The following TYW1B variants were observed in gnomAD, a reference collection of about 807,000 sequenced individuals.
The protein encoded by TYW1B is tRNA-yW synthesizing protein 1 homolog B.
Under a neutral mutation model 86.9 loss-of-function variants are expected in TYW1B, and 73 were observed. The ratio of observed to expected loss-of-function variants is 0.84; its 90% CI spans 0.70 to 1.02. The LOEUF (loss-of-function observed/expected upper bound fraction) is 1.02. Among genes scored for constraint, TYW1B ranks in the 50% least tolerant of loss-of-function variants. TYW1B has a pLI of 0.00. For missense variants in TYW1B, 637 were observed against 827.4 expected, an observed-to-expected ratio of 0.77 and a Z score of 2.82; for synonymous variants, 248 against 292.8, an observed-to-expected ratio of 0.85 and a Z score of 1.56.
intron 6 of TYW1B, among the ~76,000 whole-genome samples, chr7:72,793,091 C>A (rs1460295078): frequency 2.6e-5 from 4 of 152,156 alleles, no homozygotes; most frequent in Admixed American, 2.6e-4. Flanking sequence ...GTAATCCCAG[C>A]ACTTTGGGAG....
At chr7:72,816,511 T>C (rs1788726051) in intron 2 of TYW1B, among the ~76,000 whole-genome samples, 2 of 151,822 alleles carry the variant, frequency 1.3e-5, no homozygotes, top group African/African-American at 4.8e-5. Context: ...AAGCTCTGGG[T>C]TGGGAGCAGC....
intron 11 of TYW1B, among the ~76,000 whole-genome samples, chr7:72,687,916 G>A (rs1389674870): frequency 3.3e-5 from 5 of 152,048 alleles, no homozygotes; most frequent in Non-Finnish European, 5.9e-5. Context: ...AGCCAGGTGT[G>A]GTGGAGCACA....
intron 7 of TYW1B, among the ~76,000 whole-genome samples, chr7:72,761,102 A>G (rs1290281702): frequency 6.6e-6 from 1 of 152,218 alleles, no homozygotes; most frequent in Non-Finnish European, 1.5e-5. Flanking sequence ...AAATGCTTAT[A>G]AATGAATTTT....
chr7:72,806,170 T>C (rs1788490360), intron 5 of TYW1B, among the ~76,000 whole-genome samples: 1 of 151,682 alleles, frequency 6.6e-6, no homozygotes. Context: ...TTGCAAAATG[T>C]GGTAAAAATC....
chr7:72,754,347 T>C (rs1032882291), intron 7 of TYW1B, among the ~76,000 whole-genome samples: 1 of 152,134 alleles, frequency 6.6e-6, no homozygotes, highest in Admixed American at 6.6e-5. Context: ...TTTACCATAT[T>C]GGCCAGGCTG....
chr7:72,824,586 C>A (rs1163276307), intron 2 of TYW1B, among the ~76,000 whole-genome samples: 1 of 151,902 alleles, frequency 6.6e-6, no homozygotes, highest in Non-Finnish European at 1.5e-5. Flanking sequence ...ACTAAAAATA[C>A]AAAAATTAAC....
chr7:72,757,283 G>A (rs1464447096), intron 7 of TYW1B, among the ~76,000 whole-genome samples: 7 of 151,060 alleles, frequency 4.6e-5, no homozygotes, highest in African/African-American at 1.2e-4. Flanking sequence ...CAGGAGAATC[G>A]CTTGAACCTG....
intron 2 of TYW1B, among the ~76,000 whole-genome samples, chr7:72,816,448 C>T (rs1445555154): frequency 1.3e-5 from 2 of 152,140 alleles, no homozygotes; most frequent in Non-Finnish European, 2.9e-5. Context: ...AGACGGTTGA[C>T]AGACAGGAAA....
intron 7 of TYW1B, among the ~76,000 whole-genome samples, chr7:72,765,237 T>A (rs1165748631): frequency 6.6e-6 from 1 of 152,172 alleles, no homozygotes; most frequent in Non-Finnish European, 1.5e-5. Flanking sequence ...GCTTCCTAGC[T>A]CAGGAGGTTT....
intron 11 of TYW1B, among the ~76,000 whole-genome samples, chr7:72,635,757 T>C (rs1414737554): frequency 6.6e-6 from 1 of 152,236 alleles, no homozygotes; most frequent in East Asian, 1.9e-4. Flanking sequence ...TCAATAGAAA[T>C]ATAAGTTCAC....
intron 3 of TYW1B, among the ~76,000 whole-genome samples, chr7:72,811,496 T>A (rs1464765518): frequency 1.3e-5 from 2 of 151,820 alleles, no homozygotes; most frequent in Non-Finnish European, 2.9e-5. Context: ...GCTTATCCAA[T>A]AAGAGTTGTA....
intron 7 of TYW1B, among the ~76,000 whole-genome samples, chr7:72,757,309 A>G (rs1787608508): frequency 6.7e-6 from 1 of 149,960 alleles, no homozygotes; most frequent in Non-Finnish European, 1.5e-5. Context: ...CGGAGGTTGC[A>G]GTGAGCCAAG....
At chr7:72,577,831 C>T (rs1811060430) in intron 13 of TYW1B, among the ~76,000 whole-genome samples, 1 of 152,204 alleles carries the variant, frequency 6.6e-6, no homozygotes, top group Non-Finnish European at 1.5e-5. Flanking sequence ...GACGCCCAAG[C>T]TGTTCCCTCT....
chr7:72,771,912 T>C (rs1229537910), intron 7 of TYW1B, among the ~76,000 whole-genome samples: 5 of 151,994 alleles, frequency 3.3e-5, no homozygotes, highest in Admixed American at 1.3e-4. Context: ...AGTGTCTTGA[T>C]CTCAGCTCAC....
chr7:72,635,504 A>G (rs1213948746), intron 11 of TYW1B, among the ~76,000 whole-genome samples: 1 of 152,150 alleles, frequency 6.6e-6, no homozygotes, highest in Non-Finnish European at 1.5e-5. Flanking sequence ...AATGCACGGG[A>G]CAGTCTCCCC....
intron 6 of TYW1B, among the ~76,000 whole-genome samples, chr7:72,799,497 G>A (rs1203528182): frequency 2.0e-5 from 3 of 147,708 alleles, no homozygotes; most frequent in Non-Finnish European, 3.0e-5. Context: ...ACGGAGTCTC[G>A]CTCTGTCACC....
chr7:72,656,067 C>A (rs1274947595), intron 11 of TYW1B, among the ~76,000 whole-genome samples: 1 of 152,178 alleles, frequency 6.6e-6, no homozygotes, highest in African/African-American at 2.4e-5. Flanking sequence ...TCTTTGTCTG[C>A]CATCCAGGGC....
chr7:72,653,952 C>T (rs145970161), intron 11 of TYW1B, among the ~76,000 whole-genome samples: 221 of 151,978 alleles, frequency 1.5e-3, no homozygotes, highest in African/African-American at 5.3e-3. Context: ...TGGTGGCGCA[C>T]ACCTGCAATC....
intron 11 of TYW1B, among the ~76,000 whole-genome samples, chr7:72,690,398 C>A (rs375199077): frequency 0.15 from 18,580 of 120,008 alleles, no homozygotes; most frequent in African/African-American, 0.27. Flanking sequence ...TGGTTTTTAG[C>A]CCACATACTC....
Sources: allele counts gnomAD v4.1 joint callset (sites outside exome capture counted in the v4.1 genomes callset), GRCh38; gene constraint gnomAD v4.1.1; transcripts MANE v1.5; gene names NCBI Gene and HGNC (gene_info 2026-07-23, HGNC 2026-07-21).